SORL1: variants seen among roughly 807,000 people sequenced by gnomAD.
SORL1 encodes sortilin related receptor 1.
A neutral mutation model predicts 273.7 loss-of-function variants in SORL1; 127 were observed. That is an observed-to-expected ratio of 0.46 (90% CI 0.40 to 0.54). SORL1 has a LOEUF of 0.54. Ranked by LOEUF, SORL1 falls within the 20% of genes least tolerant of loss-of-function variation. The pLI is 0.00. For synonymous variants in SORL1, 1,031 were observed against 1,067.4 expected, an observed-to-expected ratio of 0.97 and a Z score of 0.66; for missense variants, 2,494 against 2,846.1, an observed-to-expected ratio of 0.88 and a Z score of 2.81.
intron 2 of SORL1, among the ~76,000 whole-genome samples, chr11:121,471,319 C>T (rs1861163310): frequency 6.6e-6 from 1 of 152,182 alleles, no homozygotes; most frequent in Admixed American, 6.5e-5. Flanking sequence ...TCTGGAGTTT[C>T]ATGTGAAAAC....
At chr11:121,512,597 A>G (rs1452035586) in intron 6 of SORL1, among the ~76,000 whole-genome samples, 1 of 152,232 alleles carries the variant, frequency 6.6e-6, no homozygotes, top group Non-Finnish European at 1.5e-5. Context: ...TTTTGTGTGC[A>G]TGGTGTGTGG....
chr11:121,570,257 T>C lies in SORL1; in HGVS notation c.3324T>C (p.Asp1108=). ...ACAACGACTGTGGAGACATGAGCGA[T>C]GAGAGAAACTGCCGTGAGTCTTCTG... ...DFDNDCGDMS[D]ERNCPTTICD... Residue 1108 remains aspartate (D), a synonymous_variant, in exon 23 of 48, where the codon GAT becomes GAC. Coordinates refer to ENST00000260197, the MANE Select transcript of SORL1 (RefSeq NM_003105.6). The C allele has an allele frequency of 6.2e-7, 1 of 1,611,434 alleles. No individual in the cohort carries two copies. Among genetic ancestry groups the C allele is most frequent in the Non-Finnish European group, 8.5e-7 (1 of 1,177,628 alleles).
At chr11:121,460,604 G>T (rs950571419) in intron 1 of SORL1, among the ~76,000 whole-genome samples, 18 of 151,948 alleles carry the variant, frequency 1.2e-4, no homozygotes, top group Admixed American at 6.6e-5. Flanking sequence ...CACCATATTG[G>T]CCAGGCTGGT....
In SORL1 at chr11:121,514,209, A is replaced by G. The variant is rs1052164867; in HGVS notation, c.1099A>G (p.Asn367Asp). Reference protein sequence around the residue: ...DQVFVCVSHSNNRTNLYISEA... With the variant: ...DQVFVCVSHSDNRTNLYISEA... ...GGTGTTTGTGTGTGTCAGCCACAGT[A>G]ACAACCGCACCAATTTATACATCTC... Residue 367 changes from asparagine to aspartate, a missense_variant, in exon 8 of 48, where the codon AAC becomes GAC. Asn to Asp is a conservative substitution (Grantham distance 23). This residue lies in a region of SORL1 where 710 missense variants were observed against 882.5 expected (regional missense o/e 0.80). Coordinates refer to ENST00000260197, the MANE Select transcript of SORL1 (RefSeq NM_003105.6). The G allele has an allele frequency of 6.2e-6, 10 of 1,614,076 alleles. No homozygotes were observed. The highest frequency in any genetic ancestry group is 8.5e-6 in the Non-Finnish European group (10 of 1,180,022).
Position 121,577,322 on chromosome 11 carries a change from G to A in SORL1, c.3502G>A (p.Gly1168Ser), listed in dbSNP as rs376552061. Residue 1168 changes from glycine to serine, a missense_variant, in exon 25 of 48, where the codon GGC becomes AGC. Gly to Ser is a moderately conservative substitution (Grantham distance 56). This residue lies in a region of SORL1 where 1,609 missense variants were observed against 1,816.4 expected (regional missense o/e 0.89). Transcript: ENST00000260197. ...GAGTGACGAGTACAACTGCAGTTCC[G>A]GCATGTGCATCCGCTCCTCCTGGGT... ...CRSDEYNCSS[G>S]MCIRSSWVCD... is the part of the protein sequence containing the mutation. 20 of 1,613,012 alleles carry A rather than the reference G, an allele frequency of 1.2e-5. No homozygotes were observed. Among genetic ancestry groups the A allele is most frequent in the Admixed American group, 1.7e-5 (1 of 59,808 alleles).
At chr11:121,454,625 A>T (rs1860870482) in intron 1 of SORL1, among the ~76,000 whole-genome samples, 1 of 152,190 alleles carries the variant, frequency 6.6e-6, no homozygotes, top group Admixed American at 6.5e-5. Flanking sequence ...CTGCCTTCCT[A>T]TGCCATTGTT....
Position 121,590,087 on chromosome 11 carries a change from T to C in SORL1, c.4126T>C (p.Cys1376Arg). The C allele has an allele frequency of 6.2e-7, 1 of 1,614,094 alleles. No homozygotes were observed. The highest frequency in any genetic ancestry group is 8.5e-7 in the Non-Finnish European group (1 of 1,179,986). ...PNCSRYFQFR[C>R]ENGHCIPNRW... The stretch of plus-strand genomic sequence containing the variant: ...CTGCTCCCGCTACTTCCAGTTTCGG[T>C]GTGAGAATGGCCACTGCATCCCCAA... The change falls in exon 30 of 48, where the codon TGT becomes CGT. Residue 1376 changes from cysteine (C) to arginine (R), a missense_variant. By Grantham distance (180) the Cys-to-Arg change is radical (BLOSUM62 -3). Transcript: ENST00000260197.
At chr11:121,532,313 A>G (rs1038740545) in intron 11 of SORL1, 151 bp from the exon 12 acceptor site, 12 of 644,424 alleles carry the variant, frequency 1.9e-5, no homozygotes, top group Non-Finnish European at 2.7e-5. Context: ...ATGGATGTCA[A>G]TGTCTTCTGT....
chr11:121,459,651 A>G (rs1349468756), intron 1 of SORL1, among the ~76,000 whole-genome samples: 1 of 152,232 alleles, frequency 6.6e-6, no homozygotes, highest in African/African-American at 2.4e-5. Flanking sequence ...CAAACACTGC[A>G]CTTGTATCGG....
intron 17 of SORL1, 51 bp from the exon 18 acceptor site, chr11:121,555,136 G>T: frequency 6.4e-7 from 1 of 1,557,504 alleles, no homozygotes; most frequent in Non-Finnish European, 8.7e-7. Context: ...TGACTTGGCA[G>T]GGGGTCGTTT....
At chr11:121,534,594 G>A (rs1302095443) in intron 12 of SORL1, among the ~76,000 whole-genome samples, 2 of 152,214 alleles carry the variant, frequency 1.3e-5, no homozygotes, top group Admixed American at 6.5e-5. Context: ...AGGTGCATGT[G>A]TCCCACATAA....
rs527245113 is a variant in SORL1 at position 121,564,679 on chromosome 11, CA to C, written c.3050-2259del. On this transcript the variant is annotated intron_variant, in intron 21 of 47. Transcript: ENST00000260197. ...GCAGCCTCTGTCTCCTGGGCTTAAG[CA>C]ATCTTCCCACTTCAGCCTCTGAAGT... is the stretch of plus-strand genomic sequence containing the variant. Among the ~76,000 whole-genome samples, 151 of 152,120 alleles carry C rather than the reference CA, an allele frequency of 9.9e-4. 1 individual carries two copies. Among genetic ancestry groups the C allele is most frequent in the African/African-American group, 3.5e-3 (146 of 41,478 alleles).
intron 1 of SORL1, among the ~76,000 whole-genome samples, chr11:121,459,096 T>G (rs1860951038): frequency 6.6e-6 from 1 of 152,260 alleles, no homozygotes; most frequent in South Asian, 2.1e-4. Flanking sequence ...TAGATCTTTC[T>G]GTGATAGTGA....
At chr11:121,584,597 CT>C (rs61438769) in intron 26 of SORL1, among the ~76,000 whole-genome samples, 208 of 144,516 alleles carry the variant, frequency 1.4e-3, no homozygotes, top group Admixed American at 1.7e-3. Flanking sequence ...AAGTGATTTT[CT>C]TTTTTTTTTT....
chr11:121,532,394 G>T (rs142819282), intron 11 of SORL1, 70 bp from the exon 12 acceptor site: 34 of 1,386,332 alleles, frequency 2.5e-5, no homozygotes, highest in Non-Finnish European at 3.5e-5. Context: ...CATGCCTGTG[G>T]GCATGTGTAC....
chr11:121,528,274 GC>G (rs1350767143), intron 11 of SORL1, among the ~76,000 whole-genome samples: 3 of 152,114 alleles, frequency 2.0e-5, no homozygotes, highest in East Asian at 1.9e-4. Context: ...TTCAAGACCA[GC>G]CCAGGCACCA....
At chr11:121,528,242 G>C (rs531145424) in intron 11 of SORL1, among the ~76,000 whole-genome samples, 1 of 152,156 alleles carries the variant, frequency 6.6e-6, no homozygotes, top group African/African-American at 2.4e-5. Flanking sequence ...ACCAAGGCAG[G>C]AGGATCACTT....
intron 18 of SORL1, among the ~76,000 whole-genome samples, chr11:121,555,875 C>G (rs1251076169): frequency 7.0e-6 from 1 of 143,222 alleles, no homozygotes; most frequent in Non-Finnish European, 1.5e-5. Context: ...AAATCTTTGT[C>G]TGGGGGAATG....
chr11:121,470,517 T>G (rs1055881576), intron 2 of SORL1, among the ~76,000 whole-genome samples: 2 of 152,226 alleles, frequency 1.3e-5, no homozygotes, highest in African/African-American at 4.8e-5. Flanking sequence ...TTGAAACTGA[T>G]TCTCTAATAT....
Sources: allele counts gnomAD v4.1 joint callset (sites outside exome capture counted in the v4.1 genomes callset), GRCh38; gene constraint gnomAD v4.1.1; regional missense constraint gnomAD v4.1.1; transcripts MANE v1.5; gene names NCBI Gene and HGNC (gene_info 2026-07-23, HGNC 2026-07-21).